Variants in NCALD observed in about 807,000 individuals in gnomAD.
The protein encoded by NCALD is neurocalcin-delta.
Under a neutral mutation model 18.6 loss-of-function variants are expected in NCALD, and 10 were observed. The observed-to-expected ratio is 0.54, with a 90% CI of 0.33 to 0.91. The LOEUF (loss-of-function observed/expected upper bound fraction) is 0.91. Among genes scored for constraint, NCALD ranks in the 40% least tolerant of loss-of-function variants. NCALD has a pLI of 0.03. For synonymous variants in NCALD, 88 were observed against 87.4 expected, an observed-to-expected ratio of 1.01 and a Z score of -0.04; for missense variants, 184 against 247.6, an observed-to-expected ratio of 0.74 and a Z score of 1.72.
At chr8:101,777,044 C>T (rs111612969) in intron 1 of NCALD, among the ~76,000 whole-genome samples, 4,182 of 152,212 alleles carry the variant, frequency 0.027, 94 homozygotes, top group Middle Eastern at 0.048. Flanking sequence ...AAAGACATGT[C>T]CCAGTTTGCC....
intron 1 of NCALD, among the ~76,000 whole-genome samples, chr8:101,743,464 A>G (rs1373614421): frequency 6.6e-6 from 1 of 152,224 alleles, no homozygotes; most frequent in African/African-American, 2.4e-5. Context: ...TCACTATGAG[A>G]TTGGGTTAAG....
At chr8:101,785,675 A>G (rs79747215) in intron 1 of NCALD, among the ~76,000 whole-genome samples, 4,179 of 152,236 alleles carry the variant, frequency 0.027, 115 homozygotes, top group African/African-American at 0.071. Context: ...ATATTTTTGG[A>G]AATATCACTA....
At chr8:101,692,698 T>C (rs1474604585) in intron 3 of NCALD, 93 bp downstream of exon 3, 5 of 1,433,628 alleles carry the variant, frequency 3.5e-6, no homozygotes, top group African/African-American at 2.8e-5. Flanking sequence ...GCCGCTCACA[T>C]TGAAGGGCCT....
intron 2 of NCALD, among the ~76,000 whole-genome samples, chr8:101,918,386 C>CA (rs1818045345): frequency 6.6e-6 from 1 of 151,976 alleles, no homozygotes; most frequent in East Asian, 1.9e-4. Flanking sequence ...ACTGAAGGGG[C>CA]AAAAACTAAA....
At chr8:102,074,663 C>T (rs1172142522) in intron 1 of NCALD, among the ~76,000 whole-genome samples, 1 of 152,262 alleles carries the variant, frequency 6.6e-6, no homozygotes, top group Non-Finnish European at 1.5e-5. Flanking sequence ...GCTCTCACGT[C>T]GGTTCCACAG....
At position 101,987,981 on chromosome 8, in the gene NCALD, C is replaced by T. The variant is rs182756027; in HGVS notation, c.-157+32256G>A. On this transcript the variant is annotated intron_variant, in intron 2 of 6. Coordinates refer to the NCALD transcript ENST00000311028. ...CATCTTGGCTAACACGGTGAAACCC[C>T]GTCTCTACTAAAAACACAAAAAAAT... Among the ~76,000 whole-genome samples the T allele has an allele frequency of 4.3e-3, 653 of 151,982 alleles. 5 individuals carry two copies. The highest frequency in any genetic ancestry group is 0.014 in the African/African-American group (600 of 41,486).
intron 2 of NCALD, among the ~76,000 whole-genome samples, chr8:101,951,843 C>T (rs1819436204): frequency 6.6e-6 from 1 of 152,166 alleles, no homozygotes; most frequent in South Asian, 2.1e-4. Flanking sequence ...GACTGTCCCT[C>T]AGGCATCCAC....
intron 4 of NCALD, among the ~76,000 whole-genome samples, chr8:101,879,985 C>A (rs1160217779): frequency 4.6e-5 from 7 of 152,146 alleles, no homozygotes; most frequent in Admixed American, 4.6e-4. Context: ...TGCCTGCACT[C>A]CTCAGCCCTT....
At chr8:102,043,145 C>T in intron 1 of NCALD, among the ~76,000 whole-genome samples, 1 of 151,884 alleles carries the variant, frequency 6.6e-6, no homozygotes, top group East Asian at 1.9e-4. Context: ...GTCACATGGG[C>T]TTATTCATAT....
intron 2 of NCALD, among the ~76,000 whole-genome samples, chr8:101,945,283 C>G (rs1282423787): frequency 6.6e-6 from 1 of 152,096 alleles, no homozygotes. Flanking sequence ...GATAGAAGAT[C>G]AAAATAGACA....
At chr8:101,896,142 G>T (rs1479345013) in intron 3 of NCALD, among the ~76,000 whole-genome samples, 1 of 151,458 alleles carries the variant, frequency 6.6e-6, no homozygotes, top group Non-Finnish European at 1.5e-5. Context: ...AACCAAAACA[G>T]CATGGTACTG....
intron 2 of NCALD, among the ~76,000 whole-genome samples, chr8:101,930,107 AAT>A (rs1290672625): frequency 6.6e-6 from 1 of 152,194 alleles, no homozygotes; most frequent in African/African-American, 2.4e-5. Context: ...ATTAGATACA[AAT>A]ATGAGTATTT....
At chr8:102,049,631 T>C (rs1823361475) in intron 1 of NCALD, among the ~76,000 whole-genome samples, 2 of 152,196 alleles carry the variant, frequency 1.3e-5, no homozygotes, top group South Asian at 4.1e-4. Context: ...TCTTCCAAAG[T>C]GGCTGTACTA....
intron 2 of NCALD, among the ~76,000 whole-genome samples, chr8:101,711,281 T>C (rs10081547): frequency 0.99 from 150,428 of 152,276 alleles, 74,378 homozygotes; most frequent in Middle Eastern, 1. Flanking sequence ...ACAGCAAAGA[T>C]CAAAGGTAGG....
intron 2 of NCALD, among the ~76,000 whole-genome samples, chr8:101,943,256 C>T (rs189530932): frequency 2.6e-4 from 40 of 152,280 alleles, no homozygotes; most frequent in Non-Finnish European, 2.5e-4. Context: ...TCCCTGCCAC[C>T]CACCAAGGCT....
chr8:101,998,987 A>G (rs1011292695), intron 2 of NCALD, among the ~76,000 whole-genome samples: 3 of 151,802 alleles, frequency 2.0e-5, no homozygotes, highest in Admixed American at 6.6e-5. Context: ...CAAAAAATGC[A>G]AATTACAGCT....
At chr8:101,999,073 C>CAA (rs34227411) in intron 2 of NCALD, among the ~76,000 whole-genome samples, 40 of 79,312 alleles carry the variant, frequency 5.0e-4, no homozygotes, top group Non-Finnish European at 6.1e-4. Flanking sequence ...CACTCACCAT[C>CAA]AAAAAAAAAA....
chr8:102,046,493 A>G (rs1823244751), intron 1 of NCALD, among the ~76,000 whole-genome samples: 1 of 151,998 alleles, frequency 6.6e-6, no homozygotes, highest in Admixed American at 6.6e-5. Context: ...TCATCTCACA[A>G]TCAGTATTTT....
intron 1 of NCALD, among the ~76,000 whole-genome samples, chr8:101,790,005 T>C (rs1393024308): frequency 1.3e-5 from 2 of 152,230 alleles, no homozygotes. Flanking sequence ...AGTGACTACT[T>C]CTATCTGTGT....
Sources: allele counts gnomAD v4.1 joint callset (sites outside exome capture counted in the v4.1 genomes callset), GRCh38; gene constraint gnomAD v4.1.1; transcripts MANE v1.5; gene names NCBI Gene and HGNC (gene_info 2026-07-23, HGNC 2026-07-21).